Variants in OSBP observed in about 807,000 individuals in gnomAD.
The protein encoded by OSBP is oxysterol binding protein, also known as oxysterol-binding protein 1.
A neutral mutation model predicts 96.6 loss-of-function variants in OSBP; 32 were observed. That is an observed-to-expected ratio of 0.33 (90% CI 0.25 to 0.45). The LOEUF is 0.45. Among genes scored for constraint, OSBP ranks in the 20% least tolerant of loss-of-function variants. OSBP has a pLI of 1.00. For synonymous variants in OSBP, 369 were observed against 389.6 expected (o/e 0.95, Z 0.62); for missense variants, 653 against 1,029.7 (o/e 0.63, Z 5.01).
chr11:59,613,970 G>C (rs1398245864), intron 1 of OSBP, among the ~76,000 whole-genome samples: 1 of 152,150 alleles, frequency 6.6e-6, no homozygotes, highest in Non-Finnish European at 1.5e-5. Flanking sequence ...CCTGGTGAAG[G>C]AAAAGAAATA....
At position 59,581,628 on chromosome 11, in the gene OSBP, T is replaced by C. The variant is rs1860422079; in HGVS notation, c.1679-74A>G. On this transcript the variant is annotated intron_variant, in intron 9 of 13. Transcript: ENST00000263847. Reference sequence around the variant, plus strand: ...GCACCATGCAGCCTCAAAACAGTAATGGATTAATTTCCTTCTATTGATATT... The same window carrying C: ...GCACCATGCAGCCTCAAAACAGTAACGGATTAATTTCCTTCTATTGATATT... The C allele has an allele frequency of 5.7e-6, 4 of 706,972 alleles. No individual in the cohort carries two copies. In the South Asian group the frequency reaches 6.8e-5, roughly 12 times the overall value. The allele number at this position is 706,972 out of a possible 1,614,324, so 43.8% of individuals were successfully genotyped here. A position where few individuals can be genotyped will look rare whatever the true frequency, so the allele number is the denominator to read the frequency against.
At chr11:59,588,891 G>T (rs995220050) in intron 9 of OSBP, among the ~76,000 whole-genome samples, 56 of 152,112 alleles carry the variant, frequency 3.7e-4, no homozygotes, top group African/African-American at 1.3e-3. Flanking sequence ...TGTAGTCCCA[G>T]CTACTCAGGA....
At chr11:59,592,587 G>C (rs1860598747) in intron 9 of OSBP, among the ~76,000 whole-genome samples, 1 of 152,104 alleles carries the variant, frequency 6.6e-6, no homozygotes, top group Admixed American at 6.5e-5. Flanking sequence ...TCTTTTTGTA[G>C]AGCAGCTTTT....
chr11:59,604,917 GC>G (rs1452693755), intron 3 of OSBP, among the ~76,000 whole-genome samples: 1 of 151,622 alleles, frequency 6.6e-6, no homozygotes, highest in Non-Finnish European at 1.5e-5. Context: ...ACTTTGGGAG[GC>G]CTAGGCAGGT....
chr11:59,589,211 C>T (rs1860544256), intron 9 of OSBP, among the ~76,000 whole-genome samples: 1 of 148,658 alleles, frequency 6.7e-6, no homozygotes, highest in African/African-American at 2.5e-5. Context: ...TGGTATCAGA[C>T]TCTTGGGCCC....
chr11:59,582,455 A>G (rs181408947), intron 9 of OSBP, among the ~76,000 whole-genome samples: 2 of 152,270 alleles, frequency 1.3e-5, no homozygotes, highest in East Asian at 3.9e-4. Flanking sequence ...GATCCCATGG[A>G]GACAGGGCAC....
intron 9 of OSBP, among the ~76,000 whole-genome samples, chr11:59,593,076 G>T (rs1472963718): frequency 6.6e-6 from 1 of 152,164 alleles, no homozygotes; most frequent in Non-Finnish European, 1.5e-5. Flanking sequence ...AGGATTACAG[G>T]GGTGAGGCAC....
At chr11:59,604,825 A>G (rs1304637556) in intron 3 of OSBP, among the ~76,000 whole-genome samples, 1 of 151,752 alleles carries the variant, frequency 6.6e-6, no homozygotes, top group Non-Finnish European at 1.5e-5. Context: ...ACTGCACTCC[A>G]GCCTGGGTGA....
chr11:59,583,634 GTTTTTTTTTTTTT>G (rs764596509), intron 9 of OSBP, among the ~76,000 whole-genome samples: 1 of 64,310 alleles, frequency 1.6e-5, no homozygotes, highest in Non-Finnish European at 3.1e-5. Flanking sequence ...CTAAATCTCT[GTTTTTTTTTTTTT>G]TTTTTTTTTT....
chr11:59,580,291 TTTTA>T, intron 10 of OSBP, 22 bp from the exon 11 acceptor site: 1 of 1,478,418 alleles, frequency 6.8e-7, no homozygotes, highest in Non-Finnish European at 9.5e-7. Flanking sequence ...AAAAATTCAG[TTTTA>T]TTAAGACTGG....
chr11:59,608,862 C>T, intron 2 of OSBP, 128 bp from the exon 3 acceptor site: 2 of 884,808 alleles, frequency 2.3e-6, no homozygotes, highest in Admixed American at 2.1e-5. Flanking sequence ...TGAAAACTTG[C>T]CATTACCAGA....
In OSBP at chr11:59,585,048, C is replaced by T. The variant is rs147740283; in HGVS notation, c.1679-3494G>A. ...AAATGCCGAGATTACAGCCTCTGCC[C>T]GGCCGCCACCCCGTCTGGGAAGTGA... On this transcript the variant is annotated intron_variant, in intron 9 of 13. Coordinates refer to ENST00000263847, the MANE Select transcript of OSBP (RefSeq NM_002556.3). Among the ~76,000 whole-genome samples, 1,074 of 152,236 alleles carry T rather than the reference C, an allele frequency of 7.1e-3. 9 individuals carry two copies. Among genetic ancestry groups the T allele is most frequent in the Admixed American group, 0.012 (183 of 15,292 alleles).
intron 7 of OSBP, 142 bp downstream of exon 7, chr11:59,600,354 A>G (rs1860707153): frequency 2.4e-6 from 2 of 843,910 alleles, no homozygotes; most frequent in Non-Finnish European, 3.6e-6. Context: ...AGCTAAATTT[A>G]TGGAACAGTT....
chr11:59,577,095 A>C, intron 12 of OSBP, 70 bp from the exon 13 acceptor site: 1 of 1,247,864 alleles, frequency 8.0e-7, no homozygotes, highest in Non-Finnish European at 1.1e-6. Context: ...AGCAACAACT[A>C]AGTACACTGC....
At chr11:59,584,336 C>G (rs1446589607) in intron 9 of OSBP, among the ~76,000 whole-genome samples, 1 of 152,056 alleles carries the variant, frequency 6.6e-6, no homozygotes, top group Admixed American at 6.6e-5. Context: ...CTATAAAAAC[C>G]CAAAGCTACA....
intron 9 of OSBP, among the ~76,000 whole-genome samples, chr11:59,585,145 A>G (rs1258368492): frequency 6.7e-6 from 1 of 149,178 alleles, no homozygotes; most frequent in African/African-American, 2.5e-5. Context: ...CAGTCTGGAA[A>G]GTGAGGAGCG....
chr11:59,608,683 T>C lies in OSBP; in HGVS notation c.623A>G (p.Gln208Arg). Residue 208 changes from glutamine (Q) to arginine (R), a missense_variant, in exon 3 of 14, where the codon CAG becomes CGG. Around this residue, in one of 6 missense-constraint regions of OSBP, gnomAD observed 308 missense variants for 573.1 expected, o/e 0.54. Coordinates refer to ENST00000263847, the MANE Select transcript of OSBP (RefSeq NM_002556.3). ...GCTAGAGAGGGTCCGAAGGGTATTCTGCAGCTCAGTCTTGTCAGTTTGTGA... is the reference window on the plus strand; with the variant it reads ...GCTAGAGAGGGTCCGAAGGGTATTCCGCAGCTCAGTCTTGTCAGTTTGTGA... Reference protein sequence around the residue: ...SVSQTDKTELQNTLRTLSSKV... With the variant: ...SVSQTDKTELRNTLRTLSSKV... 1 of 1,613,804 alleles carries C rather than the reference T, an allele frequency of 6.2e-7. No homozygotes were observed. The highest frequency in any genetic ancestry group is 8.5e-7 in the Non-Finnish European group (1 of 1,179,642).
chr11:59,583,164 T>C (rs1860442698), intron 9 of OSBP, among the ~76,000 whole-genome samples: 1 of 151,610 alleles, frequency 6.6e-6, no homozygotes. Flanking sequence ...TACAAAAAAT[T>C]AGCTGGGTGT....
intron 9 of OSBP, among the ~76,000 whole-genome samples, chr11:59,592,559 C>A (rs1390296232): frequency 6.6e-6 from 1 of 152,228 alleles, no homozygotes; most frequent in Non-Finnish European, 1.5e-5. Context: ...TTTTCTCTAA[C>A]TGCTTTGTGC....
Sources: gnomAD v4.1 joint callset for allele counts (sites outside exome capture counted in the v4.1 genomes callset) on GRCh38, gnomAD v4.1.1 for gene constraint, gnomAD v4.1.1 regional missense constraint, MANE v1.5 for transcripts, NCBI Gene and HGNC (gene_info 2026-07-23, HGNC 2026-07-21) for gene names.